PRSS16: variants seen among roughly 807,000 people sequenced by gnomAD.
PRSS16 encodes the protein thymus-specific serine protease.
In PRSS16, 43 loss-of-function variants were observed where a neutral mutation model predicts 61.7. That is an observed-to-expected ratio of 0.70 (90% CI 0.55 to 0.90). The LOEUF is 0.90. Among genes scored for constraint, PRSS16 ranks in the 40% least tolerant of loss-of-function variants. PRSS16 has a pLI of 0.00. For synonymous variants in PRSS16, 273 were observed against 285.2 expected, an observed-to-expected ratio of 0.96 and a Z score of 0.43; for missense variants, 591 against 659.1, an observed-to-expected ratio of 0.90 and a Z score of 1.13.
At chr6:27,250,606 C>T in intron 4 of PRSS16, 77 bp from the exon 5 acceptor site, 12 of 1,505,626 alleles carry the variant, frequency 8.0e-6, no homozygotes, top group Non-Finnish European at 1.1e-5. Flanking sequence ...TCTCTGGATC[C>T]GGGTTTCCCC....
chr6:27,251,077 C>G lies in PRSS16; in HGVS notation c.627C>G (p.Ser209=). 6.2e-7 allele frequency: 1 copy of G among 1,614,124 alleles called. No homozygotes were observed. Among genetic ancestry groups the G allele is most frequent in the African/African-American group, 1.3e-5 (1 of 75,066 alleles). Residue 209 remains serine (S), a synonymous_variant, in exon 6 of 12, where the codon TCC becomes TCG. Coordinates refer to ENST00000230582, the MANE Select transcript of PRSS16 (RefSeq NM_005865.4). This position sits in a 1 kb window ranked among gnomAD's most constrained non-coding sequence, Gnocchi z 5.6. ...PHLIFASVAS[S]APVRAVLDFS... ...TCATTTTCGCGTCGGTCGCCTCCTCCGCCCCGGTGCGGGCCGTGCTGGATT... is the reference window on the plus strand; with the variant it reads ...TCATTTTCGCGTCGGTCGCCTCCTCGGCCCCGGTGCGGGCCGTGCTGGATT...
In PRSS16 at chr6:27,249,124, C is replaced by G; in HGVS notation, c.362C>G (p.Ala121Gly). Residue 121 changes from alanine (A) to glycine (G), a missense_variant, in exon 4 of 12, where the codon GCC (alanine) becomes GGC (glycine). Ala to Gly is a moderately conservative substitution (Grantham distance 60). Transcript: ENST00000230582. The part of the protein sequence containing the change: ...MRGHPAALAP[A>G]WGALVISLEH... Reference sequence around the variant, plus strand: ...GGCCATCCCGCAGCCTTGGCCCCAGCCTGGGGCGCCCTGGTGATAAGCCTG... The same window carrying G: ...GGCCATCCCGCAGCCTTGGCCCCAGGCTGGGGCGCCCTGGTGATAAGCCTG... 2 of 1,571,266 alleles carry G rather than the reference C, an allele frequency of 1.3e-6. No homozygotes were observed. Among genetic ancestry groups the G allele is most frequent in the South Asian group, 1.1e-5 (1 of 90,312 alleles).
chr6:27,249,156 A>G lies in PRSS16; in HGVS notation c.394A>G (p.Arg132Gly), dbSNP rs748224900. The change falls in exon 4 of 12, where the codon AGA (arginine) becomes GGA (glycine). Residue 132 changes from arginine to glycine, a missense_variant. Arg to Gly is a moderately radical substitution (Grantham distance 125, BLOSUM62 -2). Transcript: ENST00000230582. ...WGALVISLEH[R>G]FYGLSIPAGG... ...CGCCCTGGTGATAAGCCTGGAACAC[A>G]GATTTTATGGCCTGAGTATACCTGC... is the stretch of plus-strand genomic sequence containing the variant. 7.5e-6 allele frequency: 12 copies of G among 1,607,976 alleles called. No individual in the cohort carries two copies. The highest frequency in any genetic ancestry group is 1.0e-5 in the Non-Finnish European group (12 of 1,179,172).
rs1159579514 is a variant in PRSS16, at chr6:27,251,363, C to T, written c.717+99C>T. 1.4e-6 allele frequency: 2 copies of T among 1,429,330 alleles called. No homozygotes were observed. The highest frequency in any genetic ancestry group is 2.4e-5 in the Admixed American group (1 of 42,374). 88.5% of individuals were successfully genotyped at this position (1,429,330 alleles called of 1,614,324 possible). A position where few individuals can be genotyped will look rare whatever the true frequency, so the allele number is the denominator to read the frequency against. On this transcript the variant is annotated intron_variant, in intron 7 of 11. Transcript: ENST00000230582. This position sits in a 1 kb window ranked among gnomAD's most constrained non-coding sequence, Gnocchi z 5.6. ...GAGAAGGGCGAAACCTGCAACGTGG[C>T]GGGGTCTAAGGAAGGTCGGAGCTCG...
In PRSS16 at chr6:27,252,300, C is replaced by G; in HGVS notation, c.1008+260C>G. The G allele has an allele frequency of 2.1e-6, 1 of 479,636 alleles. No homozygotes were observed. 29.7% of individuals were successfully genotyped at this position (479,636 alleles called of 1,614,324 possible). On this transcript the variant is annotated intron_variant, in intron 8 of 11. Transcript: ENST00000230582. The surrounding 1 kb of genome is among the most constrained non-coding windows in gnomAD (Gnocchi z 4.2). Reference sequence around the variant, plus strand: ...TATTTTGCCTATCCTGTCCTGTTCTCTTTTGGGGGGCCTGCAGGAGTGCCT... The same window carrying G: ...TATTTTGCCTATCCTGTCCTGTTCTGTTTTGGGGGGCCTGCAGGAGTGCCT...
At position 27,247,725 on chromosome 6, in the gene PRSS16, A is replaced by G. The variant is rs779178486; in HGVS notation, c.-13A>G. 2 of 1,559,676 alleles carry G rather than the reference A, an allele frequency of 1.3e-6. No homozygotes were observed. Among genetic ancestry groups the G allele is most frequent in the South Asian group, 2.4e-5 (2 of 85,086 alleles). On this transcript the variant is annotated 5_prime_UTR_variant, in exon 1 of 12. Transcript: ENST00000230582. Reference sequence around the variant, plus strand: ...TAAAGGTCCTCCTGGGGGAGAACAGAGTCCCGAACACCATGGCCGTCTGGC... The same window carrying G: ...TAAAGGTCCTCCTGGGGGAGAACAGGGTCCCGAACACCATGGCCGTCTGGC...
rs1759934177 is a variant in PRSS16 at position 27,252,290 on chromosome 6, G to C, written c.1008+250G>C. ...GATTATTACCTATTTTGCCTATCCT[G>C]TCCTGTTCTCTTTTGGGGGGCCTGC... On this transcript the variant is annotated intron_variant, in intron 8 of 11. Coordinates refer to ENST00000230582, the MANE Select transcript of PRSS16 (RefSeq NM_005865.4). The surrounding 1 kb of genome is among the most constrained non-coding windows in gnomAD (Gnocchi z 4.2). The C allele has an allele frequency of 1.9e-6, 1 of 519,494 alleles. No homozygotes were observed. Among genetic ancestry groups the C allele is most frequent in the Non-Finnish European group, 3.3e-6 (1 of 304,516 alleles). The allele number at this position is 519,494 out of a possible 1,614,324, so 32.2% of individuals were successfully genotyped here.
rs767815765 is a variant in PRSS16, at chr6:27,247,785, C to T, written c.48C>T (p.Ser16=). ...AQWLGPLLLV[S]LWGLLAPASL... The stretch of plus-strand genomic sequence containing the variant: ...GGCTGGGCCCTCTGCTCTTGGTTTC[C>T]CTCTGGGGACTCTTGGCTCCAGGTA... Residue 16 remains serine, a synonymous_variant, in exon 1 of 12, where the codon TCC becomes TCT. Transcript: ENST00000230582. The T allele has an allele frequency of 1.9e-6, 3 of 1,606,564 alleles. No homozygotes were observed. Among genetic ancestry groups the T allele is most frequent in the Non-Finnish European group, 2.5e-6 (3 of 1,176,682 alleles).
chr6:27,254,543 C>T, intron 9 of PRSS16, 150 bp from the exon 10 acceptor site: 1 of 732,472 alleles, frequency 1.4e-6, no homozygotes. Flanking sequence ...TGTCAGGGGA[C>T]TGTGTGAGTC....
chr6:27,249,170 G>T lies in PRSS16; in HGVS notation c.408G>T (p.Leu136=), dbSNP rs199723551. ...GCCTGGAACACAGATTTTATGGCCT[G>T]AGTATACCTGCTGGAGGCCTGGAAA... is the stretch of plus-strand genomic sequence containing the variant. ...VISLEHRFYG[L]SIPAGGLEMA... Residue 136 remains leucine, a synonymous_variant, in exon 4 of 12, where the codon CTG becomes CTT. Transcript: ENST00000230582. 334 of 1,611,836 alleles carry T rather than the reference G, an allele frequency of 2.1e-4. 1 individual carries two copies. Among genetic ancestry groups the T allele is most frequent in the Non-Finnish European group, 2.7e-4 (320 of 1,179,772 alleles).
intron 10 of PRSS16, 46 bp from the exon 11 acceptor site, chr6:27,254,940 C>T (rs1188594845): frequency 6.2e-7 from 1 of 1,611,956 alleles, no homozygotes; most frequent in African/African-American, 1.3e-5. Context: ...GCCTCATCCT[C>T]TCCCAGCACC....
At chr6:27,249,302 GTCTC>G (rs904264436) in intron 4 of PRSS16, 73 bp downstream of exon 4, 330 of 1,531,522 alleles carry the variant, frequency 2.2e-4, no homozygotes, top group Non-Finnish European at 2.9e-4. Context: ...CTGCATCTGT[GTCTC>G]TCTCCTCCAC....
At chr6:27,249,074 AC>A (rs1561772331) in intron 3 of PRSS16, 25 bp from the exon 4 acceptor site, 19 of 413,838 alleles carry the variant, frequency 4.6e-5, no homozygotes, top group Admixed American at 1.2e-4. Flanking sequence ...TCACCTCCCC[AC>A]CCCCCACCCA....
At chr6:27,250,614 C>A (rs1759856681) in intron 4 of PRSS16, 69 bp from the exon 5 acceptor site, 1 of 1,511,568 alleles carries the variant, frequency 6.6e-7, no homozygotes, top group Admixed American at 2.3e-5. Flanking sequence ...TCCGGGTTTC[C>A]CCCAGAATGG....
In PRSS16 at chr6:27,251,041, GTTCCC is replaced by G. The variant is rs1759876434; in HGVS notation, c.592_596del (p.Phe198ProfsTer23). 1 of 1,613,702 alleles carries G rather than the reference GTTCCC, an allele frequency of 6.2e-7. No homozygotes were observed. Among genetic ancestry groups the G allele is most frequent in the African/African-American group, 1.3e-5 (1 of 74,940 alleles). ...CAGGCTGACGGCGTCTCCTCCCTTA[GTTCCC>G]CCATCTCATTTTCGCGTCGGTCGCC... On this transcript the variant is annotated frameshift_variant and splice_region_variant, in exon 6 of 12. Transcript: ENST00000230582. LOFTEE classifies it high-confidence loss of function. This position sits in a 1 kb window ranked among gnomAD's most constrained non-coding sequence, Gnocchi z 5.6.
At chr6:27,248,386 G>T (rs1038036983) in intron 2 of PRSS16, among the ~76,000 whole-genome samples, 14 of 151,842 alleles carry the variant, frequency 9.2e-5, no homozygotes, top group Non-Finnish European at 1.5e-5. Context: ...GTAGGTAGCA[G>T]AAATTTGAAC....
intron 5 of PRSS16, 94 bp from the exon 6 acceptor site, chr6:27,250,948 G>A: frequency 1.3e-6 from 2 of 1,580,050 alleles, no homozygotes; most frequent in South Asian, 1.1e-5. Flanking sequence ...CCTCACAAGA[G>A]CCCGAGATTA....
In PRSS16 at chr6:27,250,967, G is replaced by C; in HGVS notation, c.592-75G>C. 4 of 1,591,414 alleles carry C rather than the reference G, an allele frequency of 2.5e-6. No individual in the cohort carries two copies. In the Middle Eastern group the frequency reaches 5.0e-4, roughly 198 times the overall value. ...ACAAGAGCCCGAGATTACACAGCGA[G>C]TAAGTGACACAGAGGCAGAAAGATA... On this transcript the variant is annotated intron_variant, in intron 5 of 11. Coordinates refer to ENST00000230582, the MANE Select transcript of PRSS16 (RefSeq NM_005865.4).
In PRSS16 at chr6:27,252,854, C is replaced by T. The variant is rs775214316; in HGVS notation, c.1055C>T (p.Ala352Val). 2 of 1,614,160 alleles carry T rather than the reference C, an allele frequency of 1.2e-6. No homozygotes were observed. The highest frequency in any genetic ancestry group is 3.3e-5 in the Admixed American group (2 of 60,014). ...LGQKCLSFSR[A>V]ETVAQLRSTE... ...CAGAAGTGTTTAAGCTTTTCCCGAG[C>T]AGAGACAGTGGCACAGCTGAGGAGC... Residue 352 changes from alanine to valine, a missense_variant, in exon 9 of 12, where the codon GCA becomes GTA. Physicochemically the swap from Ala to Val is moderately conservative, Grantham distance 64. Transcript: ENST00000230582. The surrounding 1 kb of genome is among the most constrained non-coding windows in gnomAD (Gnocchi z 4.2).
Sources: gnomAD v4.1 joint callset for allele counts (sites outside exome capture counted in the v4.1 genomes callset) on GRCh38, gnomAD v4.1.1 for gene constraint, Gnocchi (gnomAD v3.1) non-coding constraint, MANE v1.5 for transcripts, NCBI Gene and HGNC (gene_info 2026-07-23, HGNC 2026-07-21) for gene names.